DCHS2: variants seen among roughly 807,000 people sequenced by gnomAD.
DCHS2 encodes the protein dachsous cadherin-related 2, also known as protocadherin-23.
A neutral mutation model predicts 182.4 loss-of-function variants in DCHS2; 142 were observed. The ratio of observed to expected loss-of-function variants is 0.78; its 90% confidence interval spans 0.68 to 0.89. The LOEUF (loss-of-function observed/expected upper bound fraction) is 0.89, where lower values mean the gene tolerates loss of function less well. Ranked by LOEUF, DCHS2 falls within the 40% of genes least tolerant of loss-of-function variation. The pLI, the probability that DCHS2 is intolerant of heterozygous loss-of-function variation, is 0.00. For missense variants in DCHS2, 4,319 were observed against 4,198.6 expected (o/e 1.03, Z -0.79); for synonymous variants, 1,740 against 1,663.3 (o/e 1.05, Z -1.12).
chr4:154,473,906 T>A (rs1208165613), intron 1 of DCHS2, among the ~76,000 whole-genome samples: 1 of 152,176 alleles, frequency 6.6e-6, no homozygotes, highest in African/African-American at 2.4e-5. Flanking sequence ...TAGGCTGCCA[T>A]AATAAAGTAC....
At chr4:154,396,204 G>A (rs1731922242) in intron 1 of DCHS2, among the ~76,000 whole-genome samples, 1 of 143,794 alleles carries the variant, frequency 7.0e-6, no homozygotes. Flanking sequence ...CAGTAGAAGT[G>A]TACCTGGCAC....
chr4:154,241,785 A>C (rs1279144622), intron 17 of DCHS2, among the ~76,000 whole-genome samples: 1 of 152,210 alleles, frequency 6.6e-6, no homozygotes, highest in Non-Finnish European at 1.5e-5. Context: ...AAATGAAAAT[A>C]TATCAAATAT....
At position 154,234,528 on chromosome 4, in the gene DCHS2, C is replaced by T. The variant is rs1314882693; in HGVS notation, c.*8G>A. ...AATGGTGAGCAGGTACTTGGCATCC[C>T]AGTGGTTTCATATTTGAACTTCATC... On this transcript the variant is annotated 3_prime_UTR_variant, in exon 20 of 20. Coordinates refer to ENST00000357232, the MANE Select transcript of DCHS2 (RefSeq NM_001358235.2). 3.1e-6 allele frequency: 5 copies of T among 1,596,136 alleles called. No individual in the cohort carries two copies. Among genetic ancestry groups the T allele is most frequent in the Non-Finnish European group, 4.3e-6 (5 of 1,169,760 alleles).
At chr4:154,324,738 A>T (rs1736210157) in intron 7 of DCHS2, among the ~76,000 whole-genome samples, 1 of 152,216 alleles carries the variant, frequency 6.6e-6, no homozygotes, top group Non-Finnish European at 1.5e-5. Context: ...ATAAAAGCAA[A>T]TAAAAAAGAA....
intron 13 of DCHS2, among the ~76,000 whole-genome samples, chr4:154,290,904 CA>C (rs1734630204): frequency 6.6e-6 from 1 of 151,916 alleles, no homozygotes; most frequent in Non-Finnish European, 1.5e-5. Flanking sequence ...TAGTGCCCCA[CA>C]AACACAGACA....
In DCHS2 at chr4:154,491,711, A is replaced by G. The variant is rs1248493943; in HGVS notation, c.-356T>C. The G allele has an allele frequency of 1.8e-6, 2 of 1,088,324 alleles. No individual in the cohort carries two copies. Among genetic ancestry groups the G allele is most frequent in the East Asian group, 5.9e-5 (1 of 17,032 alleles). 67.4% of individuals were successfully genotyped at this position (1,088,324 alleles called of 1,614,324 possible). ...GTTCCCCCCTGGTAAAGTCAGGTGC[A>G]TTATTTCTTTTGCCAAAAAGGAGGA... On this transcript the variant is annotated 5_prime_UTR_variant, in exon 1 of 20. It removes an upstream start codon present in the reference 5' UTR. Coordinates refer to ENST00000357232, the MANE Select transcript of DCHS2 (RefSeq NM_001358235.2).
intron 1 of DCHS2, among the ~76,000 whole-genome samples, chr4:154,485,773 C>CATGT (rs1431697594): frequency 6.6e-6 from 1 of 152,202 alleles, no homozygotes; most frequent in East Asian, 1.9e-4. Flanking sequence ...CATGTTACCA[C>CATGT]ATGTAATTCA....
chr4:154,319,299 T>A (rs997084648), intron 9 of DCHS2, among the ~76,000 whole-genome samples: 4 of 152,026 alleles, frequency 2.6e-5, no homozygotes, highest in African/African-American at 9.7e-5. Flanking sequence ...AATTATTTCA[T>A]GGGTAGACAA....
chr4:154,423,357 A>G (rs1160704174), intron 1 of DCHS2, among the ~76,000 whole-genome samples: 1 of 152,232 alleles, frequency 6.6e-6, no homozygotes, highest in Non-Finnish European at 1.5e-5. Context: ...TTCAATGTTT[A>G]TCCATTTTGT....
chr4:154,470,718 C>T (rs577857073), intron 1 of DCHS2, among the ~76,000 whole-genome samples: 4 of 152,048 alleles, frequency 2.6e-5, no homozygotes, highest in Non-Finnish European at 5.9e-5. Flanking sequence ...TTAACTAATA[C>T]CTGTAGTTAA....
chr4:154,410,286 T>C (rs1560741354), intron 1 of DCHS2, among the ~76,000 whole-genome samples: 1 of 151,782 alleles, frequency 6.6e-6, no homozygotes, highest in African/African-American at 2.4e-5. Flanking sequence ...AAAAATTGAT[T>C]ACTTTAATGA....
chr4:154,238,630 G>T (rs1325037773), intron 19 of DCHS2, among the ~76,000 whole-genome samples: 1 of 152,254 alleles, frequency 6.6e-6, no homozygotes, highest in South Asian at 2.1e-4. Flanking sequence ...AAAAAGCCTT[G>T]GGAAGCATCA....
chr4:154,275,003 A>G (rs1332214649), intron 13 of DCHS2, among the ~76,000 whole-genome samples: 1 of 151,944 alleles, frequency 6.6e-6, no homozygotes, highest in Non-Finnish European at 1.5e-5. Context: ...ATCTTGCTAG[A>G]GGTAATAACA....
intron 15 of DCHS2, among the ~76,000 whole-genome samples, chr4:154,259,059 C>T (rs1348883132): frequency 6.6e-6 from 1 of 152,216 alleles, no homozygotes; most frequent in Non-Finnish European, 1.5e-5. Flanking sequence ...ACAAAACTTC[C>T]CTGTGAATGG....
At chr4:154,366,600 A>C (rs956690976) in intron 2 of DCHS2, among the ~76,000 whole-genome samples, 159 bp from the exon 3 acceptor site, 2 of 152,156 alleles carry the variant, frequency 1.3e-5, no homozygotes, top group African/African-American at 4.8e-5. Flanking sequence ...ACACACCCCC[A>C]TACATACACA....
intron 5 of DCHS2, chr4:154,331,565 T>A: frequency 6.3e-7 from 1 of 1,595,160 alleles, no homozygotes; most frequent in South Asian, 1.1e-5. Flanking sequence ...AAACCCTCCA[T>A]CTGCTGTGAA....
intron 19 of DCHS2, 188 bp from the exon 20 acceptor site, chr4:154,237,347 T>C (rs1731581665): frequency 1.3e-6 from 1 of 780,462 alleles, no homozygotes; most frequent in African/African-American, 1.8e-5. Flanking sequence ...ACATGTAAGA[T>C]ACAGAAATAA....
In DCHS2 at chr4:154,378,836, GA is replaced by G. The variant is rs1275012383; in HGVS notation, c.2053-1393del. Among the ~76,000 whole-genome samples, 3 of 152,120 alleles carry G rather than the reference GA, an allele frequency of 2.0e-5. No homozygotes were observed. In the East Asian group the frequency reaches 5.8e-4, roughly 29 times the overall value. ...CTTGTCATATAATCCTTTATTTACAGAAAAATCAGACCCCAAATCTCCTGAC... is the reference window on the plus strand; with the variant it reads ...CTTGTCATATAATCCTTTATTTACAGAAAATCAGACCCCAAATCTCCTGAC... On this transcript the variant is annotated intron_variant, in intron 1 of 19. Transcript: ENST00000357232.
intron 9 of DCHS2, among the ~76,000 whole-genome samples, chr4:154,319,404 G>A (rs1025264875): frequency 6.6e-6 from 1 of 151,798 alleles, no homozygotes; most frequent in African/African-American, 2.4e-5. Context: ...TATAGAATGG[G>A]AGAAAGTATT....
Sources: gnomAD v4.1 joint callset for allele counts (sites outside exome capture counted in the v4.1 genomes callset) on GRCh38, gnomAD v4.1.1 for gene constraint, MANE v1.5 for transcripts, NCBI Gene and HGNC (gene_info 2026-07-23, HGNC 2026-07-21) for gene names.